Variants in THSD7B observed in about 807,000 individuals in gnomAD.
THSD7B encodes the protein thrombospondin type 1 domain containing 7B, also known as thrombospondin type-1 domain-containing protein 7B.
THSD7B carries 138 observed loss-of-function variants against 213.6 expected under a neutral mutation model. That is an observed-to-expected ratio of 0.65 (90% CI 0.56 to 0.74). The LOEUF (loss-of-function observed/expected upper bound fraction) is 0.74. Among genes scored for constraint, THSD7B ranks in the 30% least tolerant of loss-of-function variants. The pLI is 0.00. For missense variants in THSD7B, 1,931 were observed against 1,991.5 expected, an observed-to-expected ratio of 0.97 and a Z score of 0.58; for synonymous variants, 742 against 687.0, an observed-to-expected ratio of 1.08 and a Z score of -1.25.
chr2:137,327,944 T>C (rs1407619750), intron 12 of THSD7B, among the ~76,000 whole-genome samples: 1 of 152,150 alleles, frequency 6.6e-6, no homozygotes, highest in Non-Finnish European at 1.5e-5. Context: ...CAAGTTGACA[T>C]TTTTTTCGCA....
intron 17 of THSD7B, among the ~76,000 whole-genome samples, chr2:137,585,969 C>A (rs1681715819): frequency 6.6e-6 from 1 of 152,248 alleles, no homozygotes; most frequent in East Asian, 1.9e-4. Context: ...GTGTGGGAGT[C>A]TAAGTCTCTT....
chr2:137,146,707 A>T (rs560571881), intron 5 of THSD7B, among the ~76,000 whole-genome samples: 1 of 152,172 alleles, frequency 6.6e-6, no homozygotes, highest in African/African-American at 2.4e-5. Context: ...TAAAGCACAA[A>T]TACACATATA....
intron 12 of THSD7B, among the ~76,000 whole-genome samples, chr2:137,329,555 C>T (rs913429978): frequency 5.9e-5 from 9 of 152,040 alleles, no homozygotes; most frequent in Admixed American, 1.3e-4. Flanking sequence ...TCAGTAGAGA[C>T]GGGGTTTCAC....
intron 15 of THSD7B, among the ~76,000 whole-genome samples, chr2:137,503,433 A>G (rs1307649526): frequency 6.6e-6 from 1 of 152,198 alleles, no homozygotes; most frequent in Non-Finnish European, 1.5e-5. Flanking sequence ...ACCCTGTATG[A>G]ATAAACATGT....
chr2:137,303,472 C>T (rs1194207316), intron 12 of THSD7B, among the ~76,000 whole-genome samples: 2 of 151,080 alleles, frequency 1.3e-5, no homozygotes, highest in Non-Finnish European at 2.9e-5. Flanking sequence ...ATTTCAAATG[C>T]TTTATTTTAT....
chr2:137,246,333 T>G (rs1682036653), intron 10 of THSD7B, among the ~76,000 whole-genome samples: 1 of 152,196 alleles, frequency 6.6e-6, no homozygotes, highest in Admixed American at 6.5e-5. Flanking sequence ...AAATCTCTGA[T>G]GCCTGGATCC....
Position 137,374,152 on chromosome 2 carries a change from G to A in THSD7B, c.2501-31461G>A, listed in dbSNP as rs7597644. On this transcript the variant is annotated intron_variant, in intron 12 of 27. Coordinates refer to ENST00000409968, the MANE Select transcript of THSD7B (RefSeq NM_001316349.2). ...GTCATACATAGCTCTGTGGCATGAG[G>A]GGAGGGAGGGAGGGAGAGAGAGAGA... Among the ~76,000 whole-genome samples, 1,302 of 152,076 alleles carry A rather than the reference G, an allele frequency of 8.6e-3. 15 individuals are homozygous for A. The highest frequency in any genetic ancestry group is 0.03 in the African/African-American group (1,237 of 41,514).
intron 15 of THSD7B, among the ~76,000 whole-genome samples, chr2:137,483,196 A>G (rs1269737576): frequency 6.6e-6 from 1 of 152,204 alleles, no homozygotes; most frequent in Non-Finnish European, 1.5e-5. Context: ...AGTTCAAACT[A>G]ATGACCAGAA....
In THSD7B at chr2:137,411,681, G is replaced by C. The variant is rs369691977; in HGVS notation, c.2768G>C (p.Cys923Ser). 5.6e-6 allele frequency: 9 copies of C among 1,613,856 alleles called. No homozygotes were observed. The Admixed American group carries it at 8.3e-5, about 15-fold the overall frequency. ...YPLVETELCP[C>S]DEFISQPYGN... is the part of the protein sequence containing the mutation. ...CTAGTGGAGACAGAACTATGTCCTT[G>C]TGATGAATTTATATCCCAACCTTAT... is the stretch of plus-strand genomic sequence containing the variant. The change falls in exon 14 of 28, where the codon TGT becomes TCT. Residue 923 changes from cysteine to serine, a missense_variant. By Grantham distance (112) the Cys-to-Ser change is moderately radical. Coordinates refer to ENST00000409968, the MANE Select transcript of THSD7B (RefSeq NM_001316349.2).
At chr2:137,443,373 C>T (rs1019937307) in intron 14 of THSD7B, among the ~76,000 whole-genome samples, 2 of 152,102 alleles carry the variant, frequency 1.3e-5, no homozygotes, top group Admixed American at 1.3e-4. Flanking sequence ...AAGATAAATA[C>T]TTTTCACAAG....
intron 4 of THSD7B, among the ~76,000 whole-genome samples, chr2:137,103,703 GA>G (rs1162112180): frequency 3.4e-5 from 5 of 148,080 alleles, no homozygotes; most frequent in African/African-American, 1.2e-4. Context: ...CAAGCAAATA[GA>G]AAGAAAAAAA....
intron 2 of THSD7B, among the ~76,000 whole-genome samples, chr2:136,914,949 G>A (rs1684327390): frequency 6.6e-6 from 1 of 152,138 alleles, no homozygotes; most frequent in South Asian, 2.1e-4. Flanking sequence ...AAACAATAAA[G>A]AGATAGGCAA....
chr2:137,405,638 C>T lies in THSD7B; in HGVS notation c.2526C>T (p.Asn842=). 6.2e-7 allele frequency: 1 copy of T among 1,608,878 alleles called. No homozygotes were observed. Among genetic ancestry groups the T allele is most frequent in the Non-Finnish European group, 8.5e-7 (1 of 1,177,806 alleles). The part of the protein sequence containing the change: ...TRAVSCISDD[N]RSAEMMECLK... ...CTGTCTCATGCATCTCTGATGACAA[C>T]CGGTCAGCAGAAATGATGGAATGCC... The change falls in exon 13 of 28, where the codon AAC becomes AAT. Residue 842 remains asparagine (N), a synonymous_variant. Coordinates refer to ENST00000409968, the MANE Select transcript of THSD7B (RefSeq NM_001316349.2).
At chr2:137,097,756 T>C (rs1362168815) in intron 4 of THSD7B, among the ~76,000 whole-genome samples, 1 of 142,530 alleles carries the variant, frequency 7.0e-6, no homozygotes, top group Non-Finnish European at 1.5e-5. Flanking sequence ...TGTTTGAAAA[T>C]GCCGCTAAGT....
At chr2:137,076,385 G>A (rs1018219596) in intron 3 of THSD7B, among the ~76,000 whole-genome samples, 6 of 152,216 alleles carry the variant, frequency 3.9e-5, no homozygotes, top group East Asian at 1.9e-4. Context: ...AGGACCCTCC[G>A]AGCCATGTGA....
At chr2:137,259,553 T>G (rs2105081108) in intron 10 of THSD7B, among the ~76,000 whole-genome samples, 1 of 152,292 alleles carries the variant, frequency 6.6e-6, no homozygotes, top group East Asian at 1.9e-4. Flanking sequence ...TGTAAATTTG[T>G]TTACGTTCCT....
At position 137,264,998 on chromosome 2, in the gene THSD7B, C is replaced by T. The variant is rs1430437444; in HGVS notation, c.2267-7535C>T. ...CCCTCTCCCCCCACGCCACAACAGT[C>T]CCCAGAGTGTGATGTTCCCCTTCCT... On this transcript the variant is annotated intron_variant, in intron 10 of 27. Transcript: ENST00000409968. Among the ~76,000 whole-genome samples the T allele has an allele frequency of 4.0e-5, 6 of 150,502 alleles. No individual in the cohort carries two copies. The East Asian group carries it at 1.2e-3, about 30-fold the overall frequency.
At chr2:137,189,673 G>T (rs1680619378) in intron 7 of THSD7B, among the ~76,000 whole-genome samples, 1 of 151,782 alleles carries the variant, frequency 6.6e-6, no homozygotes, top group African/African-American at 2.4e-5. Context: ...ATGGTACCAT[G>T]CTCTGCATTG....
At chr2:136,935,985 T>G (rs1684719565) in intron 2 of THSD7B, among the ~76,000 whole-genome samples, 1 of 148,078 alleles carries the variant, frequency 6.8e-6, no homozygotes, top group Non-Finnish European at 1.5e-5. Flanking sequence ...TATCTATATA[T>G]TTTAAATTTA....
Sources: gnomAD v4.1 joint callset for allele counts (sites outside exome capture counted in the v4.1 genomes callset) on GRCh38, gnomAD v4.1.1 for gene constraint, MANE v1.5 for transcripts, NCBI Gene and HGNC (gene_info 2026-07-23, HGNC 2026-07-21) for gene names.